Variants in DPP6 observed in about 807,000 individuals in gnomAD.
DPP6 encodes the protein A-type potassium channel modulatory protein DPP6.
Under a neutral mutation model 122.6 loss-of-function variants are expected in DPP6, and 69 were observed. The ratio of observed to expected loss-of-function variants is 0.56; its 90% confidence interval spans 0.46 to 0.69. The LOEUF (loss-of-function observed/expected upper bound fraction) is 0.69, where lower values mean the gene tolerates loss of function less well. Among genes scored for constraint, DPP6 ranks in the 30% least tolerant of loss-of-function variants. The probability of loss-of-function intolerance (pLI) is 0.00; values close to 1 mark genes in which losing one functional copy is unlikely to be tolerated. For missense variants in DPP6, 928 were observed against 1,116.9 expected, an observed-to-expected ratio of 0.83 and a Z score of 2.41; for synonymous variants, 418 against 433.1, an observed-to-expected ratio of 0.97 and a Z score of 0.43.
At chr7:154,369,315 G>A (rs1441503836) in intron 1 of DPP6, among the ~76,000 whole-genome samples, 1 of 151,870 alleles carries the variant, frequency 6.6e-6, no homozygotes, top group Non-Finnish European at 1.5e-5. Flanking sequence ...GGCTGGCAGT[G>A]TTTTCTTCTT....
At chr7:154,770,715 A>G (rs1415342671) in intron 9 of DPP6, among the ~76,000 whole-genome samples, 1 of 152,210 alleles carries the variant, frequency 6.6e-6, no homozygotes, top group East Asian at 1.9e-4. Flanking sequence ...CCAATGAGCC[A>G]GTAGAACAGC....
chr7:154,823,522 G>A (rs2150502854), intron 16 of DPP6, among the ~76,000 whole-genome samples: 1 of 152,328 alleles, frequency 6.6e-6, no homozygotes, highest in South Asian at 2.1e-4. Context: ...AAGTACTGGT[G>A]CCTGCGGATA....
chr7:154,172,595 C>A (rs1797590055), intron 1 of DPP6, among the ~76,000 whole-genome samples: 2 of 145,112 alleles, frequency 1.4e-5, no homozygotes, highest in African/African-American at 5.3e-5. Flanking sequence ...CTTCTAAAGT[C>A]TTTTTTTTTC....
chr7:154,451,931 G>A (rs767907335), intron 2 of DPP6, among the ~76,000 whole-genome samples: 13 of 152,190 alleles, frequency 8.5e-5, no homozygotes, highest in Non-Finnish European at 1.3e-4. Flanking sequence ...CGCTGCTCCC[G>A]CACCGAGGCC....
intron 1 of DPP6, among the ~76,000 whole-genome samples, chr7:154,240,774 T>C (rs1041243412): frequency 6.6e-6 from 1 of 152,224 alleles, no homozygotes; most frequent in African/African-American, 2.4e-5. Flanking sequence ...TGCTAATGTG[T>C]ACGGTGGTAA....
chr7:153,810,686 C>CTCTCTT, the DPP6 span, among the ~76,000 whole-genome samples: 1 of 65,030 alleles, frequency 1.5e-5, no homozygotes, highest in Admixed American at 1.2e-4. Context: ...CTCTCTCTCT[C>CTCTCTT]TCTCTCTCTC....
At chr7:154,062,620 C>T (rs1402400013) in intron 1 of DPP6, among the ~76,000 whole-genome samples, 2 of 32,540 alleles carry the variant, frequency 6.1e-5, no homozygotes, top group Non-Finnish European at 1.1e-4. Flanking sequence ...CTGGTTCCCC[C>T]ACTGGCTCTT....
At chr7:154,826,086 G>A (rs547400192) in intron 16 of DPP6, among the ~76,000 whole-genome samples, 13 of 152,312 alleles carry the variant, frequency 8.5e-5, no homozygotes, top group Non-Finnish European at 1.8e-4. Context: ...ATCATTACAA[G>A]AATGGGAGCT....
At chr7:154,339,900 C>A (rs892379466) in intron 1 of DPP6, among the ~76,000 whole-genome samples, 3 of 152,030 alleles carry the variant, frequency 2.0e-5, no homozygotes, top group Admixed American at 6.6e-5. Flanking sequence ...TGGAGAAACC[C>A]CGTCTCTACT....
chr7:153,913,114 G>A (rs963109589), intron 1 of DPP6, among the ~76,000 whole-genome samples: 31 of 152,086 alleles, frequency 2.0e-4, no homozygotes, highest in African/African-American at 7.0e-4. Context: ...TCACTCTGTC[G>A]CCCAGACTGG....
intron 1 of DPP6, among the ~76,000 whole-genome samples, chr7:153,990,299 G>C (rs1469114486): frequency 1.8e-5 from 2 of 108,748 alleles, no homozygotes; most frequent in Admixed American, 9.8e-5. Context: ...CACCCACATG[G>C]GTTCCTGGGT....
chr7:154,885,808 G>A (rs931316154), intron 22 of DPP6, 64 bp downstream of exon 22: 10 of 1,533,520 alleles, frequency 6.5e-6, no homozygotes, highest in Middle Eastern at 2.0e-4. Flanking sequence ...CCCTGCCTGC[G>A]TGGCCCCACA....
chr7:154,416,393 A>G (rs1474389252), intron 1 of DPP6, among the ~76,000 whole-genome samples: 1 of 152,226 alleles, frequency 6.6e-6, no homozygotes, highest in African/African-American at 2.4e-5. Context: ...GCATTGTATC[A>G]TCTCAGATCA....
chr7:153,829,506 G>A, the DPP6 span, among the ~76,000 whole-genome samples: 2 of 152,102 alleles, frequency 1.3e-5, no homozygotes, highest in Non-Finnish European at 2.9e-5. Flanking sequence ...GAGCCACCAC[G>A]CCCGGCCTGT....
chr7:154,420,065 G>T (rs1380562170), intron 1 of DPP6, among the ~76,000 whole-genome samples: 1 of 152,184 alleles, frequency 6.6e-6, no homozygotes, highest in South Asian at 2.1e-4. Context: ...AGGCCGGCAC[G>T]GTGGCTTTTG....
chr7:153,955,819 A>C (rs1156642052), intron 1 of DPP6, among the ~76,000 whole-genome samples: 2 of 152,186 alleles, frequency 1.3e-5, no homozygotes, highest in Non-Finnish European at 2.9e-5. Context: ...TAAATGGGAG[A>C]GCAGGGATTT....
chr7:153,890,602 A>C (rs892469072), intron 1 of DPP6, among the ~76,000 whole-genome samples: 1 of 152,054 alleles, frequency 6.6e-6, no homozygotes, highest in Non-Finnish European at 1.5e-5. Context: ...AAGAGAAGGC[A>C]GATGCACCAG....
At chr7:154,577,469 G>T (rs894027460) in intron 5 of DPP6, among the ~76,000 whole-genome samples, 1 of 152,080 alleles carries the variant, frequency 6.6e-6, no homozygotes, top group African/African-American at 2.4e-5. Context: ...CAAGGATTAG[G>T]TCCTCCAAAG....
chr7:154,599,354 T>G (rs566837210), intron 5 of DPP6, among the ~76,000 whole-genome samples: 2 of 152,242 alleles, frequency 1.3e-5, no homozygotes, highest in East Asian at 3.9e-4. Flanking sequence ...AACCACCGCA[T>G]TAAGTGGACA....
Sources: allele counts gnomAD v4.1 joint callset (sites outside exome capture counted in the v4.1 genomes callset), GRCh38; gene constraint gnomAD v4.1.1; transcripts MANE v1.5; gene names NCBI Gene and HGNC (gene_info 2026-07-23, HGNC 2026-07-21).